The following CEP112 variants were observed in gnomAD, a reference collection of about 807,000 sequenced individuals.
The protein encoded by CEP112 is centrosomal protein of 112 kDa.
Under a neutral mutation model 153.0 loss-of-function variants are expected in CEP112, and 127 were observed. The ratio of observed to expected loss-of-function variants is 0.83; its 90% CI spans 0.72 to 0.96. CEP112 has a LOEUF of 0.96. Among genes scored for constraint, CEP112 ranks in the 40% least tolerant of loss-of-function variants. CEP112 has a pLI of 0.00. For synonymous variants in CEP112, 358 were observed against 374.4 expected, an observed-to-expected ratio of 0.96 and a Z score of 0.51; for missense variants, 1,089 against 1,101.2, an observed-to-expected ratio of 0.99 and a Z score of 0.16.
chr17:65,732,998 G>A (rs930258364), intron 23 of CEP112, among the ~76,000 whole-genome samples: 6 of 152,116 alleles, frequency 3.9e-5, no homozygotes, highest in African/African-American at 7.2e-5. Flanking sequence ...TGGCTATTTC[G>A]TACAAGAGGC....
intron 17 of CEP112, among the ~76,000 whole-genome samples, chr17:65,977,781 TAAAA>T (rs891727166): frequency 2.0e-5 from 3 of 151,758 alleles, no homozygotes; most frequent in African/African-American, 4.8e-5. Flanking sequence ...TCTTTAAAAA[TAAAA>T]ATAAAAAGGC....
chr17:65,671,345 A>T (rs2046972062), intron 24 of CEP112, among the ~76,000 whole-genome samples: 2 of 152,310 alleles, frequency 1.3e-5, no homozygotes, highest in South Asian at 2.1e-4. Flanking sequence ...CATCTCAGAA[A>T]AGAGGATCTT....
chr17:65,902,092 T>C, intron 20 of CEP112, 60 bp downstream of exon 20: 3 of 1,280,046 alleles, frequency 2.3e-6, no homozygotes, highest in Non-Finnish European at 3.3e-6. Context: ...AAGAAAACAT[T>C]AAACGCTGAT....
intron 14 of CEP112, 121 bp downstream of exon 14, chr17:66,029,002 T>G: frequency 1.3e-6 from 1 of 786,698 alleles, no homozygotes; most frequent in African/African-American, 1.7e-5. Context: ...TCCTGTTAAT[T>G]TAAGAATAAA....
intron 3 of CEP112, among the ~76,000 whole-genome samples, chr17:66,176,249 A>G (rs1330224161): frequency 2.0e-5 from 3 of 152,230 alleles, no homozygotes; most frequent in Non-Finnish European, 4.4e-5. Flanking sequence ...AAGTACAGGC[A>G]CTCAAATACC....
intron 22 of CEP112, among the ~76,000 whole-genome samples, chr17:65,749,340 C>A (rs1733159324): frequency 6.6e-6 from 1 of 151,860 alleles, no homozygotes; most frequent in African/African-American, 2.4e-5. Flanking sequence ...AACCCTGTCT[C>A]TACTAAAAAT....
intron 23 of CEP112, among the ~76,000 whole-genome samples, chr17:65,721,010 T>TC (rs543044308): frequency 0.19 from 14,708 of 79,482 alleles, 513 homozygotes; most frequent in Middle Eastern, 0.24. Context: ...TCTCTCTCTC[T>TC]TTTTTTTTTT....
chr17:66,094,220 C>T (rs1042834987), intron 8 of CEP112, among the ~76,000 whole-genome samples: 5 of 151,938 alleles, frequency 3.3e-5, no homozygotes, highest in Admixed American at 1.3e-4. Flanking sequence ...CTACCACACC[C>T]GGCTAATTTT....
At chr17:66,036,816 C>T (rs1210981605) in intron 12 of CEP112, among the ~76,000 whole-genome samples, 1 of 152,118 alleles carries the variant, frequency 6.6e-6, no homozygotes, top group African/African-American at 2.4e-5. Context: ...AAAAATACCT[C>T]GGGTAGACAT....
At chr17:65,920,362 A>AATATATATATATATATATATATATATAT (rs55934550) in intron 19 of CEP112, among the ~76,000 whole-genome samples, 3 of 42,782 alleles carry the variant, frequency 7.0e-5, no homozygotes, top group Admixed American at 2.4e-4. Context: ...AAACAAACAA[A>AATATATATATATATATATATATATATAT]ATATATATAT....
intron 21 of CEP112, among the ~76,000 whole-genome samples, chr17:65,782,957 A>C (rs1051946395): frequency 6.6e-6 from 1 of 152,128 alleles, no homozygotes; most frequent in Non-Finnish European, 1.5e-5. Context: ...GTACCCACTG[A>C]ATCTAAAATA....
rs961413609 is a variant in CEP112 at position 66,078,880 on chromosome 17, T to C, written c.769-8879A>G. Among the ~76,000 whole-genome samples the C allele has an allele frequency of 5.3e-5, 8 of 152,306 alleles. No homozygotes were observed. The East Asian group carries it at 5.8e-4, about 11-fold the overall frequency. On this transcript the variant is annotated intron_variant, in intron 8 of 26. Coordinates refer to ENST00000535342, the MANE Select transcript of CEP112 (RefSeq NM_001199165.4). ...AAAGACTGTACTTGTCTTTCATATA[T>C]GACGCTTAGTTTCACTGGATACAAA...
chr17:65,764,437 T>G lies in CEP112; in HGVS notation c.2395-13713A>C, dbSNP rs1016155377. ...CTTTATATATTTAGGTGCTCTAATG[T>G]CTAATGTCTAATGTGCTCTAATGTC... On this transcript the variant is annotated intron_variant, in intron 21 of 26. Transcript: ENST00000535342. 3.2e-4 allele frequency among the ~76,000 whole-genome samples: 49 copies of G among 152,334 alleles called. 1 individual carries two copies. The highest frequency in any genetic ancestry group is 3.4e-3 in the Middle Eastern group (1 of 294).
chr17:65,861,548 C>A (rs936671451), intron 20 of CEP112, among the ~76,000 whole-genome samples: 1 of 152,022 alleles, frequency 6.6e-6, no homozygotes, highest in African/African-American at 2.4e-5. Context: ...AGTATATCAA[C>A]AAGTAAAAGA....
At chr17:66,149,903 T>TTTTTTTTTTTTTTTTTTTTC (rs1568549474) in intron 4 of CEP112, among the ~76,000 whole-genome samples, 1 of 113,220 alleles carries the variant, frequency 8.8e-6, no homozygotes, top group Non-Finnish European at 1.8e-5. Flanking sequence ...TTTTTTTTTT[T>TTTTTTTTTTTTTTTTTTTTC]TTTTTTGAGA....
intron 24 of CEP112, among the ~76,000 whole-genome samples, chr17:65,672,299 A>G (rs1754751947): frequency 6.6e-6 from 1 of 152,226 alleles, no homozygotes; most frequent in Admixed American, 6.5e-5. Flanking sequence ...CTGAATGGGA[A>G]GACTCAATAT....
intron 17 of CEP112, among the ~76,000 whole-genome samples, chr17:65,973,762 A>G (rs1321105213): frequency 6.6e-6 from 1 of 152,214 alleles, no homozygotes; most frequent in Non-Finnish European, 1.5e-5. Context: ...GCATGAGAGC[A>G]GGAGAGAACA....
chr17:65,961,466 C>G lies in CEP112; in HGVS notation c.1869G>C (p.Glu623Asp). 1 of 1,604,518 alleles carries G rather than the reference C, an allele frequency of 6.2e-7. No homozygotes were observed. The highest frequency in any genetic ancestry group is 8.5e-7 in the Non-Finnish European group (1 of 1,172,500). Reference sequence around the variant, plus strand: ...GATGGTGTGGCAGCCTCCTTACCTGCTCTTTCATTTCAGCATAGACTTTCT... The same window carrying G: ...GATGGTGTGGCAGCCTCCTTACCTGGTCTTTCATTTCAGCATAGACTTTCT... Reference protein sequence around the residue: ...NSEKVYAEMKEQMEKVEADLT... With the variant: ...NSEKVYAEMKDQMEKVEADLT... Residue 623 changes from glutamate (E) to aspartate (D), a missense_variant, in exon 18 of 27, where the codon GAG becomes GAC. Glu to Asp is a conservative substitution (Grantham distance 45). Transcript: ENST00000535342.
chr17:65,812,110 T>C (rs1376207508), intron 21 of CEP112, among the ~76,000 whole-genome samples: 13 of 152,056 alleles, frequency 8.5e-5, no homozygotes, highest in Admixed American at 8.5e-4. Context: ...TTCATGCCAT[T>C]CTCCTGCCTC....
Sources: allele counts gnomAD v4.1 joint callset (sites outside exome capture counted in the v4.1 genomes callset), GRCh38; gene constraint gnomAD v4.1.1; transcripts MANE v1.5; gene names NCBI Gene and HGNC (gene_info 2026-07-23, HGNC 2026-07-21).